MRPL32: variants seen among roughly 807,000 people sequenced by gnomAD.
MRPL32 encodes large ribosomal subunit protein bL32m.
A neutral mutation model predicts 21.7 loss-of-function variants in MRPL32; 14 were observed. The ratio of observed to expected loss-of-function variants is 0.64; its 90% CI spans 0.43 to 1.01. The LOEUF is 1.01. Ranked by LOEUF, MRPL32 falls within the 50% of genes least tolerant of loss-of-function variation. MRPL32 has a pLI of 0.00. For missense variants in MRPL32, 211 were observed against 235.9 expected (o/e 0.89, Z 0.69); for synonymous variants, 83 against 87.7 (o/e 0.95, Z 0.30).
Position 42,937,698 on chromosome 7 carries a change from C to G in MRPL32, c.*122C>G. On this transcript the variant is annotated 3_prime_UTR_variant, in exon 3 of 3. Transcript: ENST00000223324. The stretch of plus-strand genomic sequence containing the variant: ...TATAGTTTAACACATTCTTTCTAAG[C>G]AGTTTTGTGTGGGATAATTTGAAGA... The G allele has an allele frequency of 9.1e-7, 1 of 1,101,290 alleles. No individual in the cohort carries two copies. Among genetic ancestry groups the G allele is most frequent in the Non-Finnish European group, 1.2e-6 (1 of 803,346 alleles). The allele number at this position is 1,101,290 out of a possible 1,614,324, so 68.2% of individuals were successfully genotyped here.
intron 1 of MRPL32, 106 bp downstream of exon 1, chr7:42,932,622 G>A: frequency 7.8e-7 from 1 of 1,280,260 alleles, no homozygotes; most frequent in Non-Finnish European, 1.0e-6. Context: ...TCTGATCCGC[G>A]GCCTCATGTC....
chr7:42,934,938 T>TA lies in MRPL32; in HGVS notation c.131-16dup. 7 of 1,535,106 alleles carry TA rather than the reference T, an allele frequency of 4.6e-6. No individual in the cohort carries two copies. Among genetic ancestry groups the TA allele is most frequent in the Non-Finnish European group, 6.1e-6 (7 of 1,144,118 alleles). The stretch of plus-strand genomic sequence containing the variant: ...AGCTAGAAACTAATTCTGTATCTCT[T>TA]ATGTTTTATTTCCTAGGACCAGCAT... On this transcript the variant is annotated splice_polypyrimidine_tract_variant and intron_variant, in intron 1 of 2. Transcript: ENST00000223324.
intron 1 of MRPL32, among the ~76,000 whole-genome samples, 185 bp from the exon 2 acceptor site, chr7:42,934,770 T>C (rs748136514): frequency 2.1e-4 from 32 of 152,222 alleles, no homozygotes; most frequent in Non-Finnish European, 3.8e-4. Flanking sequence ...TTCCTTAAAA[T>C]TGTATAAGCT....
intron 1 of MRPL32, among the ~76,000 whole-genome samples, chr7:42,934,485 AG>A: frequency 6.6e-6 from 1 of 152,334 alleles, no homozygotes; most frequent in South Asian, 2.1e-4. Flanking sequence ...TGTATCATAA[AG>A]GACCTGACTC....
intron 1 of MRPL32, among the ~76,000 whole-genome samples, chr7:42,932,763 T>C (rs901565036): frequency 6.0e-5 from 9 of 150,868 alleles, no homozygotes; most frequent in Non-Finnish European, 1.0e-4. Context: ...TAACCCAAGC[T>C]TGTGTCAAAG....
rs369229745 is a variant in MRPL32, at chr7:42,935,016, A to T, written c.192A>T (p.Gly64=). ...CAGAGCCAGCAAATGATACCAGTGGAAGTAAAGAGAATTCCAGCCTTTTGG... is the reference window on the plus strand; with the variant it reads ...CAGAGCCAGCAAATGATACCAGTGGTAGTAAAGAGAATTCCAGCCTTTTGG... The part of the protein sequence containing the change: ...MFTEPANDTS[G]SKENSSLLDS... Residue 64 remains glycine (G), a synonymous_variant, in exon 2 of 3, where the codon GGA becomes GGT. Coordinates refer to ENST00000223324, the MANE Select transcript of MRPL32 (RefSeq NM_031903.3). The T allele has an allele frequency of 2.5e-6, 4 of 1,613,934 alleles. No individual in the cohort carries two copies. The highest frequency in any genetic ancestry group is 3.3e-5 in the Admixed American group (2 of 59,968).
In MRPL32 at chr7:42,932,480, C is replaced by T. The variant is rs1224994630; in HGVS notation, c.94C>T (p.Pro32Ser). The T allele has an allele frequency of 3.1e-6, 5 of 1,610,236 alleles. No individual in the cohort carries two copies. In the African/African-American group the frequency reaches 4.0e-5, roughly 13 times the overall value. Residue 32 changes from proline to serine, a missense_variant, in exon 1 of 3, where the codon CCG becomes TCG. Pro to Ser is a moderately conservative substitution (Grantham distance 74). Coordinates refer to ENST00000223324, the MANE Select transcript of MRPL32 (RefSeq NM_031903.3). ...CTGGGAGCGACTGCTACGGAAGCTT[C>T]CGCAGAGCCGGCCGGGCTTTCCCAG... ...NYWERLLRKL[P>S]QSRPGFPSPP...
chr7:42,937,590 A>G lies in MRPL32; in HGVS notation c.*14A>G, dbSNP rs1786449659. The G allele has an allele frequency of 6.3e-7, 1 of 1,591,424 alleles. No homozygotes were observed. The highest frequency in any genetic ancestry group is 1.1e-5 in the South Asian group (1 of 87,908). ...ACCCAGAATTGACACCAAAGATGTT[A>G]AAAGGGTAACTTCACAGTAAATCAT... On this transcript the variant is annotated 3_prime_UTR_variant, in exon 3 of 3. Transcript: ENST00000223324.
chr7:42,935,875 T>C (rs988784359), intron 2 of MRPL32: 2 of 152,210 alleles, frequency 1.3e-5, no homozygotes, highest in African/African-American at 4.8e-5. Context: ...GCTGACAACA[T>C]GGATGTACTG....
chr7:42,937,837 A>G lies in MRPL32; in HGVS notation c.*261A>G. Reference sequence around the variant, plus strand: ...AAAATTTCCAGAACAAAAATAAAAAATTTAAAATTCATAGCAAAAATTCTG... The same window carrying G: ...AAAATTTCCAGAACAAAAATAAAAAGTTTAAAATTCATAGCAAAAATTCTG... On this transcript the variant is annotated 3_prime_UTR_variant, in exon 3 of 3. Coordinates refer to ENST00000223324, the MANE Select transcript of MRPL32 (RefSeq NM_031903.3). The G allele has an allele frequency of 3.4e-6, 1 of 293,842 alleles. No individual in the cohort carries two copies. Among genetic ancestry groups the G allele is most frequent in the Non-Finnish European group, 6.2e-6 (1 of 161,130 alleles). 18.2% of individuals were successfully genotyped at this position (293,842 alleles called of 1,614,324 possible). A position where few individuals can be genotyped will look rare whatever the true frequency, so the allele number is the denominator to read the frequency against.
chr7:42,935,937 T>C (rs1027659804), intron 2 of MRPL32: 1 of 152,200 alleles, frequency 6.6e-6, no homozygotes, highest in Non-Finnish European at 1.5e-5. Context: ...CTCTGATCTG[T>C]TCATGTATGG....
chr7:42,935,168 C>T, intron 2 of MRPL32, 32 bp downstream of exon 2: 1 of 1,572,410 alleles, frequency 6.4e-7, no homozygotes, highest in East Asian at 2.2e-5. Context: ...GTGTGCTTTT[C>T]CTCAAGTCCT....
At chr7:42,935,821 T>A (rs1202822499) in intron 2 of MRPL32, 1 of 152,186 alleles carries the variant, frequency 6.6e-6, no homozygotes, top group East Asian at 1.9e-4. Context: ...TTTTAAAGAT[T>A]TTCTTTGTGT....
intron 2 of MRPL32, chr7:42,936,684 ATCTC>A (rs35473208): frequency 3.1e-5 from 4 of 129,766 alleles, no homozygotes; most frequent in South Asian, 4.8e-4. Context: ...ATCTATATCT[ATCTC>A]TATATATATA....
At chr7:42,935,195 T>G in intron 2 of MRPL32, 59 bp downstream of exon 2, 1 of 1,415,594 alleles carries the variant, frequency 7.1e-7, no homozygotes, top group Non-Finnish European at 9.8e-7. Flanking sequence ...AATAAGCTCA[T>G]GGTAGATTCC....
intron 1 of MRPL32, 40 bp downstream of exon 1, chr7:42,932,556 C>G: frequency 6.4e-7 from 1 of 1,551,754 alleles, no homozygotes. Context: ...GGGCTGATGA[C>G]GGGACCTCGG....
chr7:42,937,190 A>G (rs630191), intron 2 of MRPL32, 132 bp from the exon 3 acceptor site: 1,363,459 of 1,571,154 alleles, frequency 0.87, 592,506 homozygotes, highest in South Asian at 0.91. Context: ...AGGTGGAACT[A>G]GATGGTGTAT....
chr7:42,937,026 G>A, intron 2 of MRPL32: 1 of 452,854 alleles, frequency 2.2e-6, no homozygotes, highest in Non-Finnish European at 4.1e-6. Context: ...AGTATTTGGA[G>A]TTAGGGGAAA....
chr7:42,932,812 A>G (rs647618), intron 1 of MRPL32, among the ~76,000 whole-genome samples: 122,292 of 152,026 alleles, frequency 0.8, 49,322 homozygotes, highest in East Asian at 0.84. Context: ...CGCTGAAAAC[A>G]GATTTTATTC....
Sources: gnomAD v4.1 joint callset for allele counts (sites outside exome capture counted in the v4.1 genomes callset) on GRCh38, gnomAD v4.1.1 for gene constraint, MANE v1.5 for transcripts, NCBI Gene and HGNC (gene_info 2026-07-23, HGNC 2026-07-21) for gene names.